GPR26: variants seen among roughly 807,000 people sequenced by gnomAD.
GPR26 encodes G protein-coupled receptor 26.
In GPR26, 15 loss-of-function variants were observed where a neutral mutation model predicts 23.1. The ratio of observed to expected loss-of-function variants is 0.65; its 90% confidence interval spans 0.43 to 1.00. The LOEUF is 1.00. Ranked by LOEUF, GPR26 falls within the 50% of genes least tolerant of loss-of-function variation. The probability of loss-of-function intolerance (pLI) is 0.00; values close to 1 mark genes in which losing one functional copy is unlikely to be tolerated. For synonymous variants in GPR26, 228 were observed against 222.1 expected, an observed-to-expected ratio of 1.03 and a Z score of -0.24; for missense variants, 359 against 470.5, an observed-to-expected ratio of 0.76 and a Z score of 2.19.
intron 2 of GPR26, among the ~76,000 whole-genome samples, chr10:123,676,861 G>A (rs1845316261): frequency 6.6e-6 from 1 of 152,140 alleles, no homozygotes; most frequent in African/African-American, 2.4e-5. Context: ...AGGATCTAAG[G>A]ACAGGGAACA....
rs951250838 is a variant in GPR26 at position 123,693,071 on chromosome 10, T to C, written c.*4911T>C. On this transcript the variant is annotated 3_prime_UTR_variant, in exon 3 of 3. Coordinates refer to ENST00000284674, the MANE Select transcript of GPR26 (RefSeq NM_153442.4). ...CTGCCATTAGGAAACAGCCCCTTAC[T>C]CTCAGCTCCTGTGCTAACACCCATA... 4.6e-5 allele frequency: 7 copies of C among 152,228 alleles called. No individual in the cohort carries two copies. The highest frequency in any genetic ancestry group is 1.7e-4 in the African/African-American group (7 of 41,438). The allele number at this position is 152,228 out of a possible 1,614,324, so 9.4% of individuals were successfully genotyped here.
intron 1 of GPR26, among the ~76,000 whole-genome samples, chr10:123,670,764 A>T (rs1298906858): frequency 6.6e-6 from 1 of 152,246 alleles, no homozygotes; most frequent in Non-Finnish European, 1.5e-5. Context: ...CAGATGGCAC[A>T]GTCTATCCTC....
At chr10:123,680,532 C>T (rs1226210840) in intron 2 of GPR26, among the ~76,000 whole-genome samples, 4 of 152,198 alleles carry the variant, frequency 2.6e-5, no homozygotes, top group Non-Finnish European at 4.4e-5. Context: ...GCTCCAGGGC[C>T]CCCTGGGCAG....
In GPR26 at chr10:123,691,311, A is replaced by G. The variant is rs1845487985; in HGVS notation, c.*3151A>G. On this transcript the variant is annotated 3_prime_UTR_variant, in exon 3 of 3. Transcript: ENST00000284674. ...TGGGCAGGAGGGGAAATGGATTTGA[A>G]CCATCTCAGACCAACTCTATCTCTT... The G allele has an allele frequency of 6.6e-6, 1 of 152,166 alleles. No homozygotes were observed. Among genetic ancestry groups the G allele is most frequent in the Admixed American group, 6.5e-5 (1 of 15,278 alleles). The allele number at this position is 152,166 out of a possible 1,614,324, so 9.4% of individuals were successfully genotyped here.
intron 2 of GPR26, among the ~76,000 whole-genome samples, chr10:123,680,833 G>A (rs1845365482): frequency 7.6e-6 from 1 of 130,764 alleles, no homozygotes; most frequent in East Asian, 2.4e-4. Context: ...TTTTTGGGGG[G>A]GGGGGTTGTT....
At chr10:123,679,253 T>G (rs1035475330) in intron 2 of GPR26, among the ~76,000 whole-genome samples, 5 of 152,098 alleles carry the variant, frequency 3.3e-5, no homozygotes, top group Non-Finnish European at 5.9e-5. Context: ...GGTGAGCTGG[T>G]TGCACCATGC....
rs556725559 is a variant in GPR26, at chr10:123,682,128, A to G, written c.783-5801A>G. On this transcript the variant is annotated intron_variant, in intron 2 of 2. Coordinates refer to ENST00000284674, the MANE Select transcript of GPR26 (RefSeq NM_153442.4). Reference sequence around the variant, plus strand: ...GGCCTGATTTCCAGTAGGGCCACGCATAAGTACCATGACATGAACTCAGAT... The same window carrying G: ...GGCCTGATTTCCAGTAGGGCCACGCGTAAGTACCATGACATGAACTCAGAT... Among the ~76,000 whole-genome samples, 361 of 152,334 alleles carry G rather than the reference A, an allele frequency of 2.4e-3. 1 individual carries two copies. The highest frequency in any genetic ancestry group is 3.7e-3 in the Non-Finnish European group (254 of 68,024).
At chr10:123,683,914 T>C (rs528576726) in intron 2 of GPR26, among the ~76,000 whole-genome samples, 1 of 152,282 alleles carries the variant, frequency 6.6e-6, no homozygotes, top group East Asian at 1.9e-4. Flanking sequence ...TGCAGCACTT[T>C]GTATCCTCTC....
At chr10:123,675,224 TAA>T (rs2133924569) in intron 2 of GPR26, among the ~76,000 whole-genome samples, 1 of 151,894 alleles carries the variant, frequency 6.6e-6, no homozygotes, top group Admixed American at 6.5e-5. Flanking sequence ...CAGGAGGCCC[TAA>T]AGAGAAGGAG....
intron 2 of GPR26, among the ~76,000 whole-genome samples, chr10:123,679,384 T>C (rs998567418): frequency 6.6e-6 from 1 of 152,176 alleles, no homozygotes; most frequent in Non-Finnish European, 1.5e-5. Flanking sequence ...CAAGCTTGAA[T>C]TTTTTCTTCG....
chr10:123,684,940 C>T (rs895669681), intron 2 of GPR26, among the ~76,000 whole-genome samples: 1 of 152,298 alleles, frequency 6.6e-6, no homozygotes, highest in East Asian at 1.9e-4. Flanking sequence ...AGCCCAATAA[C>T]CCCTCACTGT....
chr10:123,692,681 G>A lies in GPR26; in HGVS notation c.*4521G>A, dbSNP rs566754780. On this transcript the variant is annotated 3_prime_UTR_variant, in exon 3 of 3. Transcript: ENST00000284674. Reference sequence around the variant, plus strand: ...CAGGGGAGAAAGTTGTTTGAGATCAGGGTTTAGGGGTAGTGTTTCCCATTA... The same window carrying A: ...CAGGGGAGAAAGTTGTTTGAGATCAAGGTTTAGGGGTAGTGTTTCCCATTA... 1 of 152,364 alleles carries A rather than the reference G, an allele frequency of 6.6e-6. No homozygotes were observed. The highest frequency in any genetic ancestry group is 1.5e-5 in the Non-Finnish European group (1 of 68,070). 9.4% of individuals were successfully genotyped at this position (152,364 alleles called of 1,614,324 possible). A position where few individuals can be genotyped will look rare whatever the true frequency, so the allele number is the denominator to read the frequency against.
chr10:123,667,587 G>GTGTGTGTGTGTC (rs1469848145), intron 1 of GPR26, among the ~76,000 whole-genome samples: 2 of 150,764 alleles, frequency 1.3e-5, no homozygotes, highest in East Asian at 3.9e-4. Flanking sequence ...GTGTGTGTGT[G>GTGTGTGTGTGTC]TGTGTGTGTG....
rs371513874 is a variant in GPR26 at position 123,666,531 on chromosome 10, G to A, written c.124G>A (p.Ala42Thr). Residue 42 changes from alanine to threonine, a missense_variant, in exon 1 of 3, where the codon GCG (alanine) becomes ACG (threonine). Physicochemically the swap from Ala to Thr is moderately conservative, Grantham distance 58 (BLOSUM62 0). Coordinates refer to ENST00000284674, the MANE Select transcript of GPR26 (RefSeq NM_153442.4). ...CGCGGACATCCGCCGCCAGGCGCCG[G>A]CGCTCTTCACCCTGAACCTCACGTG... ...HSADIRRQAP[A>T]LFTLNLTCGN... 9.4e-6 allele frequency: 15 copies of A among 1,588,246 alleles called. No individual in the cohort carries two copies. The highest frequency in any genetic ancestry group is 9.2e-5 in the East Asian group (4 of 43,442).
At chr10:123,677,865 A>T (rs1246793397) in intron 2 of GPR26, among the ~76,000 whole-genome samples, 3 of 152,226 alleles carry the variant, frequency 2.0e-5, no homozygotes, top group Non-Finnish European at 4.4e-5. Context: ...AGGGCACTTG[A>T]AACATGGCCT....
chr10:123,686,762 A>T (rs114266098), intron 2 of GPR26, among the ~76,000 whole-genome samples: 2,044 of 152,286 alleles, frequency 0.013, 50 homozygotes, highest in African/African-American at 0.046. Flanking sequence ...GAATACAGGT[A>T]CTAGACCCCC....
chr10:123,678,808 A>G (rs748220), intron 2 of GPR26, among the ~76,000 whole-genome samples: 47,603 of 152,234 alleles, frequency 0.31, 8,610 homozygotes, highest in Middle Eastern at 0.45. Context: ...CCCTGCCAGG[A>G]CATGGACTGC....
chr10:123,671,066 C>T (rs1200430370), intron 1 of GPR26, among the ~76,000 whole-genome samples: 1 of 152,170 alleles, frequency 6.6e-6, no homozygotes. Context: ...CATCAGTCGG[C>T]TTGTTCCCTT....
chr10:123,670,872 T>C (rs1029345504), intron 1 of GPR26, among the ~76,000 whole-genome samples: 1 of 152,106 alleles, frequency 6.6e-6, no homozygotes, highest in Non-Finnish European at 1.5e-5. Context: ...TAGAGCTTGG[T>C]TTGGAATGGA....
Sources: allele counts gnomAD v4.1 joint callset (sites outside exome capture counted in the v4.1 genomes callset), GRCh38; gene constraint gnomAD v4.1.1; transcripts MANE v1.5; gene names NCBI Gene and HGNC (gene_info 2026-07-23, HGNC 2026-07-21).